SFSWAP: variants seen among roughly 807,000 people sequenced by gnomAD.
SFSWAP encodes the protein splicing factor SWAP.
Under a neutral mutation model 100.7 loss-of-function variants are expected in SFSWAP, and 17 were observed. The observed-to-expected ratio is 0.17, with a 90% CI of 0.12 to 0.25. The LOEUF (loss-of-function observed/expected upper bound fraction) is 0.25. Among genes scored for constraint, SFSWAP ranks in the 10% least tolerant of loss-of-function variants. The pLI is 1.00. For missense variants in SFSWAP, 1,005 were observed against 1,262.6 expected (o/e 0.80, Z 3.09); for synonymous variants, 504 against 510.1 (o/e 0.99, Z 0.16).
At chr12:131,760,480 TA>T (rs1488301240) in intron 11 of SFSWAP, among the ~76,000 whole-genome samples, 9 of 152,166 alleles carry the variant, frequency 5.9e-5, no homozygotes. Flanking sequence ...TGATAAAGTT[TA>T]AAAAAAGTAA....
chr12:131,767,894 C>G (rs753181607), intron 13 of SFSWAP, among the ~76,000 whole-genome samples: 5 of 152,160 alleles, frequency 3.3e-5, no homozygotes, highest in African/African-American at 4.8e-5. Flanking sequence ...CTACTATGCT[C>G]ACTGCCTGGG....
intron 7 of SFSWAP, among the ~76,000 whole-genome samples, chr12:131,738,154 C>T (rs1474934786): frequency 2.6e-5 from 4 of 152,062 alleles, no homozygotes; most frequent in Non-Finnish European, 5.9e-5. Flanking sequence ...TATTTTCTTG[C>T]TTCTATCCCT....
At chr12:131,715,753 C>T (rs1877847770) in intron 3 of SFSWAP, among the ~76,000 whole-genome samples, 1 of 112,446 alleles carries the variant, frequency 8.9e-6, no homozygotes, top group Non-Finnish European at 1.9e-5. Context: ...CAAATGTTTA[C>T]ATTACATCAA....
chr12:131,793,281 G>A (rs1002562980), intron 15 of SFSWAP, among the ~76,000 whole-genome samples: 4 of 151,824 alleles, frequency 2.6e-5, no homozygotes, highest in African/African-American at 9.7e-5. Context: ...ACAGGGTCTC[G>A]CTATGTTGCC....
intron 10 of SFSWAP, among the ~76,000 whole-genome samples, chr12:131,755,873 G>A (rs1035323041): frequency 1.3e-5 from 2 of 152,230 alleles, no homozygotes; most frequent in Non-Finnish European, 2.9e-5. Flanking sequence ...TGGCCAGCTG[G>A]TGCTGGGGGT....
intron 13 of SFSWAP, among the ~76,000 whole-genome samples, chr12:131,777,407 C>T (rs1884113068): frequency 6.6e-6 from 1 of 152,088 alleles, no homozygotes; most frequent in Non-Finnish European, 1.5e-5. Context: ...GTTTTTTGTC[C>T]TTGGTGATAG....
rs1375174636 is a variant in SFSWAP at position 131,711,482 on chromosome 12, T to TCCCTC, written c.218+36_218+40dup. The TCCCTC allele has an allele frequency of 3.3e-6, 5 of 1,531,634 alleles. No homozygotes were observed. The highest frequency in any genetic ancestry group is 2.7e-5 in the African/African-American group (2 of 73,346). The allele number at this position is 1,531,634 out of a possible 1,614,324, so 94.9% of individuals were successfully genotyped here. On this transcript the variant is annotated intron_variant, in intron 1 of 17. Coordinates refer to ENST00000261674, the MANE Select transcript of SFSWAP (RefSeq NM_004592.4). This position sits in a 1 kb window ranked among gnomAD's most constrained non-coding sequence, Gnocchi z 4.9. ...TCTCCCCACCCGTCGATCCTTCCCTTCCCTCACCCGCTTGATCTCGTCTGA... is the reference window on the plus strand; with the variant it reads ...TCTCCCCACCCGTCGATCCTTCCCTTCCCTCCCCTCACCCGCTTGATCTCGTCTGA...
rs549728511 is a variant in SFSWAP at position 131,711,909 on chromosome 12, G to C, written c.218+462G>C. 1.1e-5 allele frequency: 2 copies of C among 177,008 alleles called. No individual in the cohort carries two copies. Among genetic ancestry groups the C allele is most frequent in the South Asian group, 2.1e-4 (2 of 9,390 alleles). 11.0% of individuals were successfully genotyped at this position (177,008 alleles called of 1,614,324 possible). On this transcript the variant is annotated intron_variant, in intron 1 of 17. Transcript: ENST00000261674. The surrounding 1 kb of genome is among the most constrained non-coding windows in gnomAD (Gnocchi z 4.9). ...CGTGCCTTTATTCTTCCGAACCGCCGCTCACTGAGACAGTGGCTAGAAGTG... is the reference window on the plus strand; with the variant it reads ...CGTGCCTTTATTCTTCCGAACCGCCCCTCACTGAGACAGTGGCTAGAAGTG...
At chr12:131,738,882 A>ATTTTTTTTTTTTTTTTTTTTTTT (rs1555243205) in intron 7 of SFSWAP, among the ~76,000 whole-genome samples, 3 of 40,180 alleles carry the variant, frequency 7.5e-5, no homozygotes, top group Non-Finnish European at 2.3e-4. Flanking sequence ...AATGAACATT[A>ATTTTTTTTTTTTTTTTTTTTTTT]TTCTTTTTTT....
Position 131,719,504 on chromosome 12 carries a change from C to G in SFSWAP, c.571C>G (p.Pro191Ala). The G allele has an allele frequency of 6.2e-7, 1 of 1,614,028 alleles. No individual in the cohort carries two copies. The highest frequency in any genetic ancestry group is 8.5e-7 in the Non-Finnish European group (1 of 1,179,968). ...GGAAAATGAAGAGCCCTTCGTTGCC[C>G]CCTTAGGATTGAGCGTCCCGTCTGA... Reference protein sequence around the residue: ...LEENEEPFVAPLGLSVPSDVE... With the variant: ...LEENEEPFVAALGLSVPSDVE... The change falls in exon 4 of 18, where the codon CCC (proline) becomes GCC (alanine). Residue 191 changes from proline to alanine, a missense_variant. By Grantham distance (27) the Pro-to-Ala change is conservative. Transcript: ENST00000261674.
rs527410239 is a variant in SFSWAP, at chr12:131,725,678, G to T, written c.832+48G>T. ...CGTCCAGACTTTGGGCCTGTGTTGT[G>T]GGGGCGGCAGGCTGGGTGGTTCTGG... On this transcript the variant is annotated intron_variant, in intron 5 of 17. Coordinates refer to ENST00000261674, the MANE Select transcript of SFSWAP (RefSeq NM_004592.4). The surrounding 1 kb of genome is among the most constrained non-coding windows in gnomAD (Gnocchi z 4.3). 1.1e-4 allele frequency: 153 copies of T among 1,412,886 alleles called. No homozygotes were observed. Among genetic ancestry groups the T allele is most frequent in the Non-Finnish European group, 1.4e-4 (143 of 1,012,244 alleles). The allele number at this position is 1,412,886 out of a possible 1,614,324, so 87.5% of individuals were successfully genotyped here.
chr12:131,719,894 C>T (rs895102545), intron 4 of SFSWAP, among the ~76,000 whole-genome samples: 1 of 152,126 alleles, frequency 6.6e-6, no homozygotes, highest in African/African-American at 2.4e-5. Context: ...ATCAAGACAG[C>T]GTTGATTTCA....
At chr12:131,738,993 C>T (rs1201509716) in intron 7 of SFSWAP, among the ~76,000 whole-genome samples, 1 of 98,742 alleles carries the variant, frequency 1.0e-5, no homozygotes, top group Non-Finnish European at 2.2e-5. Context: ...TATCCTCCCA[C>T]CTCAGCCTCC....
rs1029021993 is a variant in SFSWAP at position 131,777,955 on chromosome 12, A to G, written c.2143-110A>G. ...GCCACAGGAGGAGACTTTCTAAGAG[A>G]TGGTTGCTGTGTTTGTTGGTGTGAG... is the stretch of plus-strand genomic sequence containing the variant. On this transcript the variant is annotated intron_variant, in intron 13 of 17. Transcript: ENST00000261674. The G allele has an allele frequency of 3.3e-6, 5 of 1,496,792 alleles. No individual in the cohort carries two copies. The African/African-American group carries it at 5.6e-5, about 17-fold the overall frequency. The allele number at this position is 1,496,792 out of a possible 1,614,324, so 92.7% of individuals were successfully genotyped here.
chr12:131,765,080 G>C (rs775336630), intron 12 of SFSWAP, among the ~76,000 whole-genome samples: 31 of 152,320 alleles, frequency 2.0e-4, no homozygotes, highest in Non-Finnish European at 4.3e-4. Context: ...CCTACCCACA[G>C]AACCATTGGG....
At position 131,766,275 on chromosome 12, in the gene SFSWAP, T is replaced by G. The variant is rs35977162; in HGVS notation, c.2109T>G (p.Ala703=). ...TLKNPLPEAE[A]GKIEESPFSV... ...AAAATCCTCTGCCGGAAGCAGAAGC[T>G]GGGAAAATTGAGGAGAGTCCTTTCA... The change falls in exon 13 of 18, where the codon GCT becomes GCG. Residue 703 remains alanine (A), a synonymous_variant. Coordinates refer to ENST00000261674, the MANE Select transcript of SFSWAP (RefSeq NM_004592.4). 155 of 1,614,110 alleles carry G rather than the reference T, an allele frequency of 9.6e-5. No individual in the cohort carries two copies. The African/African-American group carries it at 2.0e-3, about 20-fold the overall frequency.
At chr12:131,779,473 G>T (rs1884324445) in intron 14 of SFSWAP, among the ~76,000 whole-genome samples, 1 of 152,160 alleles carries the variant, frequency 6.6e-6, no homozygotes, top group South Asian at 2.1e-4. Context: ...ACATCTTGGT[G>T]AAAACCACTT....
chr12:131,792,198 C>T (rs955029797), intron 15 of SFSWAP, among the ~76,000 whole-genome samples: 14 of 147,300 alleles, frequency 9.5e-5, no homozygotes, highest in South Asian at 4.3e-4. Flanking sequence ...ACTGTGTGTG[C>T]GCCCGTGTGT....
intron 7 of SFSWAP, among the ~76,000 whole-genome samples, chr12:131,731,231 C>T (rs1206119705): frequency 9.9e-5 from 15 of 152,222 alleles, no homozygotes; most frequent in Admixed American, 9.8e-4. Context: ...CGTGGCGTTA[C>T]GTCGGGTCCT....
Sources: gnomAD v4.1 joint callset for allele counts (sites outside exome capture counted in the v4.1 genomes callset) on GRCh38, gnomAD v4.1.1 for gene constraint, Gnocchi (gnomAD v3.1) non-coding constraint, MANE v1.5 for transcripts, NCBI Gene and HGNC (gene_info 2026-07-23, HGNC 2026-07-21) for gene names.